DAB2IP: variants seen among roughly 807,000 people sequenced by gnomAD.
DAB2IP encodes the protein DAB2 interacting protein.
Under a neutral mutation model 107.2 loss-of-function variants are expected in DAB2IP, and 28 were observed. The observed-to-expected ratio is 0.26, with a 90% CI of 0.19 to 0.36. DAB2IP has a LOEUF of 0.36. Ranked by LOEUF, DAB2IP falls within the 10% of genes least tolerant of loss-of-function variation. The pLI is 1.00. For synonymous variants in DAB2IP, 755 were observed against 706.4 expected (o/e 1.07, Z -1.09); for missense variants, 1,400 against 1,644.7 (o/e 0.85, Z 2.57).
rs76106254 is a variant in DAB2IP at position 121,596,792 on chromosome 9, G to A, written c.40+29564G>A. ...TGGGTCACTGGGGTATGTGCACTTC[G>A]ACATTTCTAGATGCTGCCAAATTGT... On this transcript the variant is annotated intron_variant, in intron 1 of 16. Transcript: ENST00000259371. 3.7e-3 allele frequency among the ~76,000 whole-genome samples: 563 copies of A among 152,176 alleles called. 3 individuals are homozygous for A. The highest frequency in any genetic ancestry group is 0.013 in the African/African-American group (538 of 41,498).
chr9:121,718,234 C>T (rs1439966731), intron 3 of DAB2IP, among the ~76,000 whole-genome samples: 1 of 152,186 alleles, frequency 6.6e-6, no homozygotes, highest in Non-Finnish European at 1.5e-5. Flanking sequence ...TCCCAGCTCC[C>T]TCACGCCCTC....
At chr9:121,745,134 C>T (rs1438848940) in intron 3 of DAB2IP, among the ~76,000 whole-genome samples, 1 of 152,192 alleles carries the variant, frequency 6.6e-6, no homozygotes, top group African/African-American at 2.4e-5. Context: ...GACACACTGG[C>T]CTTGGGAAGC....
rs1210186428 is a variant in DAB2IP at position 121,698,589 on chromosome 9, C to G, written c.229-736C>G. 6.6e-6 allele frequency among the ~76,000 whole-genome samples: 1 copy of G among 152,196 alleles called. No homozygotes were observed. ...CCTCCCTGAGCTGAGCACTAGGGAT[C>G]CCGTCCCGCAAGGTGGTTGTCCTTG... On this transcript the variant is annotated intron_variant, in intron 2 of 15. Coordinates refer to ENST00000408936, the Ensembl canonical transcript of DAB2IP. The surrounding 1 kb of genome is among the most constrained non-coding windows in gnomAD (Gnocchi z 4.1).
chr9:121,714,514 T>C (rs1016564445), intron 3 of DAB2IP, among the ~76,000 whole-genome samples: 4 of 152,140 alleles, frequency 2.6e-5, no homozygotes, highest in African/African-American at 9.7e-5. Flanking sequence ...CCGATTCAAA[T>C]ATTATAGAGG....
intron 1 of DAB2IP, among the ~76,000 whole-genome samples, chr9:121,665,797 T>C (rs919844938): frequency 6.6e-6 from 1 of 152,234 alleles, no homozygotes; most frequent in South Asian, 2.1e-4. Context: ...TTCTCTTTTA[T>C]TAAGCCATTT....
chr9:121,699,623 G>C lies in DAB2IP; in HGVS notation c.362+165G>C, dbSNP rs1335442034. Among the ~76,000 whole-genome samples, 1 of 152,028 alleles carries C rather than the reference G, an allele frequency of 6.6e-6. No homozygotes were observed. Among genetic ancestry groups the C allele is most frequent in the Non-Finnish European group, 1.5e-5 (1 of 67,966 alleles). ...TGGGGCCACCTCGGCCGGACTAGGG[G>C]GCCCGAGGGGAGGACCCTGTGCCTC... On this transcript the variant is annotated intron_variant, in intron 3 of 15. Transcript: ENST00000408936. The surrounding 1 kb of genome is among the most constrained non-coding windows in gnomAD (Gnocchi z 6.2).
Position 121,750,357 on chromosome 9 carries a change from C to A in DAB2IP, c.363-6656C>A, listed in dbSNP as rs190725716. ...TGTGTGTGTGTGTTTAATCCCAGGG[C>A]CCACTGCACTGCCTGCCTTTGTGTA... On this transcript the variant is annotated intron_variant, in intron 3 of 15. Coordinates refer to ENST00000408936, the Ensembl canonical transcript of DAB2IP. Among the ~76,000 whole-genome samples, 416 of 152,314 alleles carry A rather than the reference C, an allele frequency of 2.7e-3. 9 individuals are homozygous for A. The highest frequency in any genetic ancestry group is 2.1e-3 in the South Asian group (10 of 4,824).
intron 1 of DAB2IP, among the ~76,000 whole-genome samples, chr9:121,587,614 GAAAAAA>G (rs368945381): frequency 8.6e-4 from 76 of 87,922 alleles, no homozygotes; most frequent in African/African-American, 2.6e-3. Context: ...GTCTCGAAAA[GAAAAAA>G]AAAAAAAAAA....
chr9:121,727,740 G>A (rs1831310324), intron 3 of DAB2IP, among the ~76,000 whole-genome samples: 1 of 152,200 alleles, frequency 6.6e-6, no homozygotes, highest in Non-Finnish European at 1.5e-5. Context: ...GTTAACACTT[G>A]TGTATTTCCT....
rs1034909771 is a variant in DAB2IP at position 121,699,850 on chromosome 9, C to T, written c.362+392C>T. Among the ~76,000 whole-genome samples, 2 of 152,214 alleles carry T rather than the reference C, an allele frequency of 1.3e-5. No homozygotes were observed. The highest frequency in any genetic ancestry group is 4.8e-5 in the African/African-American group (2 of 41,464). On this transcript the variant is annotated intron_variant, in intron 3 of 15. Coordinates refer to ENST00000408936, the Ensembl canonical transcript of DAB2IP. This position sits in a 1 kb window ranked among gnomAD's most constrained non-coding sequence, Gnocchi z 6.2. ...GGACCCATCCCCCTGCCTTGGGAGC[C>T]CCTGGGTATCAGATACAAAAGGCAT... is the stretch of plus-strand genomic sequence containing the variant.
rs538662947 is a variant in DAB2IP, at chr9:121,779,614, C to T, written c.3315-1850C>T. ...TGCAGAGCCTTTAGTCTTGGCCTAACGTGGCCCTGCTCTGAGGGGGTTTCC... is the reference window on the plus strand; with the variant it reads ...TGCAGAGCCTTTAGTCTTGGCCTAATGTGGCCCTGCTCTGAGGGGGTTTCC... On this transcript the variant is annotated intron_variant, in intron 14 of 15. Coordinates refer to ENST00000408936, the Ensembl canonical transcript of DAB2IP. Among the ~76,000 whole-genome samples, 23 of 152,340 alleles carry T rather than the reference C, an allele frequency of 1.5e-4. No individual in the cohort carries two copies. In the South Asian group the frequency reaches 2.7e-3, roughly 18 times the overall value.
chr9:121,658,690 G>A (rs1046113442), intron 1 of DAB2IP, among the ~76,000 whole-genome samples: 4 of 152,122 alleles, frequency 2.6e-5, no homozygotes, highest in Admixed American at 6.5e-5. Flanking sequence ...AAGTAGACTC[G>A]ATACTCAGCA....
chr9:121,678,269 C>T (rs542802515), intron 1 of DAB2IP, among the ~76,000 whole-genome samples: 1 of 152,310 alleles, frequency 6.6e-6, no homozygotes, highest in African/African-American at 2.4e-5. Context: ...TTTTGGGTTA[C>T]TCAGCGTAAT....
At chr9:121,587,367 G>A (rs1490868389) in intron 1 of DAB2IP, among the ~76,000 whole-genome samples, 1 of 152,166 alleles carries the variant, frequency 6.6e-6, no homozygotes, top group Non-Finnish European at 1.5e-5. Context: ...CAGCACTCTG[G>A]GAGGCTGAGG....
At chr9:121,679,721 G>A (rs1248855407) in intron 2 of DAB2IP, among the ~76,000 whole-genome samples, 2 of 152,008 alleles carry the variant, frequency 1.3e-5, no homozygotes, top group African/African-American at 4.8e-5. Context: ...GGCTGTCACT[G>A]GATAGCATCA....
chr9:121,777,182 CAG>C (rs890533715), intron 14 of DAB2IP, among the ~76,000 whole-genome samples: 18 of 152,234 alleles, frequency 1.2e-4, no homozygotes, highest in Non-Finnish European at 2.4e-4. Context: ...GGAGGAGAGA[CAG>C]TGTGTCTTGT....
At chr9:121,785,308 CCCCCAGCTCCCACACCGCG>C (rs1231722794) in exon 16 of DAB2IP, 5 of 152,608 alleles carry the variant, frequency 3.3e-5, no homozygotes, top group Non-Finnish European at 7.3e-5. Flanking sequence ...GCCACAAAGC[CCCCCAGCTCCCACACCGCG>C]TCCCAGCTCC....
rs1417321103 is a variant in DAB2IP, at chr9:121,662,301, CAGA to C, written c.124+10405_124+10407del. 6.6e-6 allele frequency among the ~76,000 whole-genome samples: 1 copy of C among 152,146 alleles called. No homozygotes were observed. The highest frequency in any genetic ancestry group is 1.5e-5 in the Non-Finnish European group (1 of 68,028). On this transcript the variant is annotated intron_variant, in intron 1 of 15. Transcript: ENST00000408936. The surrounding 1 kb of genome is among the most constrained non-coding windows in gnomAD (Gnocchi z 4.6). ...CTTAGAAATAGAAATGATTCAGGTC[CAGA>C]AGGAGTCAGGACAGTGTGGTCTACT...
chr9:121,696,740 G>A (rs539020448), intron 2 of DAB2IP, among the ~76,000 whole-genome samples: 1 of 152,298 alleles, frequency 6.6e-6, no homozygotes, highest in Admixed American at 6.5e-5. Context: ...TCCCCTTCTG[G>A]CAGTGGCTTT....
Sources: allele counts gnomAD v4.1 joint callset (sites outside exome capture counted in the v4.1 genomes callset), GRCh38; gene constraint gnomAD v4.1.1; non-coding constraint Gnocchi (gnomAD v3.1); transcripts MANE v1.5; gene names NCBI Gene and HGNC (gene_info 2026-07-23, HGNC 2026-07-21).